ROBO2: variants seen among roughly 807,000 people sequenced by gnomAD.
The protein encoded by ROBO2 is roundabout guidance receptor 2.
A neutral mutation model predicts 160.8 loss-of-function variants in ROBO2; 53 were observed. The ratio of observed to expected loss-of-function variants is 0.33; its 90% CI spans 0.26 to 0.41. ROBO2 has a LOEUF of 0.41. Ranked by LOEUF, ROBO2 falls within the 10% of genes least tolerant of loss-of-function variation. The pLI, the probability that ROBO2 is intolerant of heterozygous loss-of-function variation, is 1.00. For missense variants in ROBO2, 1,577 were observed against 1,722.4 expected (o/e 0.92, Z 1.49); for synonymous variants, 664 against 611.7 (o/e 1.09, Z -1.26).
chr3:76,643,091 T>C (rs2090783743), intron 2 of ROBO2, among the ~76,000 whole-genome samples: 1 of 152,192 alleles, frequency 6.6e-6, no homozygotes, highest in African/African-American at 2.4e-5. Flanking sequence ...AAAGAGGTCC[T>C]TTTTATCATC....
chr3:77,601,751 G>A (rs753177278), intron 19 of ROBO2, among the ~76,000 whole-genome samples: 3 of 152,062 alleles, frequency 2.0e-5, no homozygotes, highest in Admixed American at 6.5e-5. Context: ...CTTCATAGTC[G>A]GTATAGTATA....
intron 2 of ROBO2, among the ~76,000 whole-genome samples, chr3:77,453,108 T>C (rs1033490665): frequency 1.3e-5 from 2 of 152,160 alleles, no homozygotes; most frequent in South Asian, 4.1e-4. Context: ...CTTACCAACA[T>C]CTTATTCTAT....
At chr3:76,604,378 T>A (rs760464315) in intron 2 of ROBO2, among the ~76,000 whole-genome samples, 1 of 152,166 alleles carries the variant, frequency 6.6e-6, no homozygotes, top group Non-Finnish European at 1.5e-5. Flanking sequence ...ATCATAACCT[T>A]AAGACAGCCA....
At chr3:75,921,931 A>T (rs774126932) in intron 1 of ROBO2, among the ~76,000 whole-genome samples, 1 of 152,130 alleles carries the variant, frequency 6.6e-6, no homozygotes, top group African/African-American at 2.4e-5. Context: ...CAGTTTCTGT[A>T]TAGTTCCCAC....
At chr3:77,610,820 C>A (rs963632311) in intron 21 of ROBO2, among the ~76,000 whole-genome samples, 2 of 148,148 alleles carry the variant, frequency 1.3e-5, no homozygotes, top group Non-Finnish European at 3.0e-5. Flanking sequence ...AGCAGATAGT[C>A]CCATTAGTCT....
intron 2 of ROBO2, among the ~76,000 whole-genome samples, chr3:77,470,127 G>T (rs1221033780): frequency 6.6e-6 from 1 of 152,118 alleles, no homozygotes; most frequent in African/African-American, 2.4e-5. Context: ...GGGCATGGAG[G>T]TTACAGAAAT....
At chr3:76,101,022 T>C (rs2069660954) in intron 2 of ROBO2, among the ~76,000 whole-genome samples, 1 of 151,632 alleles carries the variant, frequency 6.6e-6, no homozygotes, top group Admixed American at 6.6e-5. Context: ...AAGAGTGCTG[T>C]GTATAAAAAA....
chr3:76,008,348 C>A (rs2066090604), intron 2 of ROBO2, among the ~76,000 whole-genome samples: 1 of 150,748 alleles, frequency 6.6e-6, no homozygotes, highest in African/African-American at 2.4e-5. Flanking sequence ...TTAATAAAGA[C>A]TTGTTTTTTT....
chr3:76,189,135 A>G (rs1055006117), intron 2 of ROBO2, among the ~76,000 whole-genome samples: 3 of 152,040 alleles, frequency 2.0e-5, no homozygotes. Context: ...TGGCAGTGAA[A>G]TGAGGATGTA....
At chr3:76,577,078 G>A (rs928910056) in intron 2 of ROBO2, among the ~76,000 whole-genome samples, 1 of 151,972 alleles carries the variant, frequency 6.6e-6, no homozygotes, top group Non-Finnish European at 1.5e-5. Context: ...AGAAGCATTG[G>A]GGCAGATCTC....
At chr3:76,603,351 A>AAAAAAAAAT (rs1553826368) in intron 2 of ROBO2, among the ~76,000 whole-genome samples, 1 of 26,406 alleles carries the variant, frequency 3.8e-5, no homozygotes, top group African/African-American at 2.4e-4. Flanking sequence ...AAAAAAAAAA[A>AAAAAAAAAT]ATATATATAT....
chr3:76,929,397 C>T (rs911427749), intron 2 of ROBO2, among the ~76,000 whole-genome samples: 3 of 152,174 alleles, frequency 2.0e-5, no homozygotes, highest in African/African-American at 7.2e-5. Flanking sequence ...TCCTCTTTCT[C>T]TTATGCCCAG....
chr3:77,387,037 C>G (rs368844355), intron 2 of ROBO2, among the ~76,000 whole-genome samples: 1 of 151,892 alleles, frequency 6.6e-6, no homozygotes, highest in African/African-American at 2.4e-5. Context: ...CTTATTAAGC[C>G]GCTCACATTC....
chr3:77,308,448 G>T (rs552965802), intron 2 of ROBO2, among the ~76,000 whole-genome samples: 25 of 152,220 alleles, frequency 1.6e-4, no homozygotes, highest in Admixed American at 7.8e-4. Flanking sequence ...TTCCTAAGTG[G>T]CCTGGGACTC....
chr3:76,765,213 G>T (rs1313317578), intron 2 of ROBO2, among the ~76,000 whole-genome samples: 2 of 151,658 alleles, frequency 1.3e-5, no homozygotes, highest in African/African-American at 2.4e-5. Context: ...ATAATAGGCA[G>T]CTAAACTTTA....
intron 2 of ROBO2, among the ~76,000 whole-genome samples, chr3:76,322,437 AAAG>A (rs931042384): frequency 1.3e-5 from 2 of 151,900 alleles, no homozygotes; most frequent in Admixed American, 1.3e-4. Flanking sequence ...TATGTTCTAA[AAAG>A]AGTTCTTCAT....
intron 2 of ROBO2, among the ~76,000 whole-genome samples, chr3:76,400,699 A>G (rs894244764): frequency 2.0e-5 from 3 of 151,638 alleles, no homozygotes; most frequent in Non-Finnish European, 4.4e-5. Context: ...TAATAAAAAT[A>G]TAACTTATTT....
intron 2 of ROBO2, among the ~76,000 whole-genome samples, chr3:76,421,327 C>G (rs1049115075): frequency 3.3e-5 from 5 of 151,688 alleles, no homozygotes; most frequent in African/African-American, 1.2e-4. Flanking sequence ...AAACAATAGC[C>G]GAAAAAAGGT....
intron 2 of ROBO2, among the ~76,000 whole-genome samples, chr3:76,469,601 T>C (rs1227141020): frequency 6.6e-6 from 1 of 152,106 alleles, no homozygotes; most frequent in East Asian, 1.9e-4. Flanking sequence ...CTTCTTTTAA[T>C]TTCCTGAATG....
Sources: allele counts gnomAD v4.1 joint callset (sites outside exome capture counted in the v4.1 genomes callset), GRCh38; gene constraint gnomAD v4.1.1; transcripts MANE v1.5; gene names NCBI Gene and HGNC (gene_info 2026-07-23, HGNC 2026-07-21).